The following ANKRD28 variants were observed in gnomAD, a reference collection of about 807,000 sequenced individuals.
ANKRD28 encodes the protein serine/threonine-protein phosphatase 6 regulatory ankyrin repeat subunit A.
In ANKRD28, 44 loss-of-function variants were observed where a neutral mutation model predicts 126.5. The ratio of observed to expected loss-of-function variants is 0.35; its 90% CI spans 0.27 to 0.45. The LOEUF (loss-of-function observed/expected upper bound fraction) is 0.45, where lower values mean the gene tolerates loss of function less well. Ranked by LOEUF, ANKRD28 falls within the 20% of genes least tolerant of loss-of-function variation. The pLI is 1.00. For synonymous variants in ANKRD28, 442 were observed against 468.5 expected, an observed-to-expected ratio of 0.94 and a Z score of 0.73; for missense variants, 1,110 against 1,316.6, an observed-to-expected ratio of 0.84 and a Z score of 2.43.
intron 27 of ANKRD28, 65 bp from the exon 28 acceptor site, chr3:15,670,621 A>G (rs1559300636): frequency 2.0e-6 from 3 of 1,489,988 alleles, no homozygotes; most frequent in Non-Finnish European, 2.7e-6. Flanking sequence ...AGACAAGGAA[A>G]TAAGCCTAAA....
intron 24 of ANKRD28, 39 bp downstream of exon 24, chr3:15,678,170 C>T (rs1046644920): frequency 3.2e-6 from 5 of 1,558,104 alleles, no homozygotes; most frequent in Non-Finnish European, 4.3e-6. Flanking sequence ...AAGTGATACA[C>T]ATACTTAGGA....
chr3:15,824,948 C>A (rs1485860243), intron 1 of ANKRD28, among the ~76,000 whole-genome samples: 1 of 152,158 alleles, frequency 6.6e-6, no homozygotes, highest in Non-Finnish European at 1.5e-5. Context: ...ATGCACATCC[C>A]ACTGAAAAAG....
chr3:15,718,803 C>G (rs534887773), intron 8 of ANKRD28, among the ~76,000 whole-genome samples: 1 of 152,282 alleles, frequency 6.6e-6, no homozygotes, highest in South Asian at 2.1e-4. Flanking sequence ...ACTGAGAAAA[C>G]TTGGTTGTGA....
intron 2 of ANKRD28, among the ~76,000 whole-genome samples, chr3:15,769,980 G>A (rs1055833021): frequency 1.3e-4 from 19 of 151,242 alleles, no homozygotes; most frequent in African/African-American, 4.6e-4. Context: ...GCAAGGAAGA[G>A]TACACTGAAC....
chr3:15,853,767 C>T lies in ANKRD28; in HGVS notation c.27+5610G>A, dbSNP rs959103373. ...TACAGGCATGAGCCACCGCGCCCGG[C>T]CCTAAAATCAATGTTTAATTGTATT... is the stretch of plus-strand genomic sequence containing the variant. On this transcript the variant is annotated intron_variant, in intron 1 of 27. Coordinates refer to the ANKRD28 transcript ENST00000399451. The surrounding 1 kb of genome is among the most constrained non-coding windows in gnomAD (Gnocchi z 4.2). Among the ~76,000 whole-genome samples the T allele has an allele frequency of 6.6e-6, 1 of 152,152 alleles. No homozygotes were observed. The highest frequency in any genetic ancestry group is 2.4e-5 in the African/African-American group (1 of 41,408).
intron 3 of ANKRD28, among the ~76,000 whole-genome samples, chr3:15,763,804 G>T (rs2058612805): frequency 6.6e-6 from 1 of 152,092 alleles, no homozygotes; most frequent in Non-Finnish European, 1.5e-5. Context: ...CAGCTCTAAG[G>T]CCAATGTAAA....
At chr3:15,784,337 A>G (rs532024197) in intron 2 of ANKRD28, among the ~76,000 whole-genome samples, 68 of 152,176 alleles carry the variant, frequency 4.5e-4, no homozygotes, top group African/African-American at 1.5e-3. Flanking sequence ...GTATGCTTAT[A>G]TGTAAGTGTA....
chr3:15,858,966 C>G (rs1056817443), intron 1 of ANKRD28, among the ~76,000 whole-genome samples: 5 of 152,332 alleles, frequency 3.3e-5, no homozygotes, highest in African/African-American at 4.8e-5. Context: ...CCTCGCACTA[C>G]CCAGCCAAGC....
At chr3:15,790,449 C>G (rs933986220) in intron 2 of ANKRD28, among the ~76,000 whole-genome samples, 1 of 151,966 alleles carries the variant, frequency 6.6e-6, no homozygotes. Flanking sequence ...TCATCATGAT[C>G]AAGTGGGATT....
At chr3:15,773,976 T>C (rs1342622439) in intron 2 of ANKRD28, among the ~76,000 whole-genome samples, 2 of 152,112 alleles carry the variant, frequency 1.3e-5, no homozygotes, top group African/African-American at 4.8e-5. Context: ...AAGGCAGACA[T>C]GACCAGAGCA....
intron 6 of ANKRD28, among the ~76,000 whole-genome samples, chr3:15,734,937 A>G (rs573735686): frequency 6.6e-6 from 1 of 152,270 alleles, no homozygotes; most frequent in African/African-American, 2.4e-5. Context: ...AAGAACATAT[A>G]TATTATGTTA....
chr3:15,726,250 T>A (rs1376613840), intron 6 of ANKRD28, among the ~76,000 whole-genome samples: 1 of 152,172 alleles, frequency 6.6e-6, no homozygotes, highest in Admixed American at 6.5e-5. Context: ...CTAAGCTTAG[T>A]GAGAAAGGCA....
intron 14 of ANKRD28, among the ~76,000 whole-genome samples, chr3:15,701,410 G>A (rs1384322003): frequency 2.6e-5 from 4 of 152,054 alleles, no homozygotes; most frequent in Admixed American, 1.3e-4. Flanking sequence ...TTTGGGAAGC[G>A]GAGGTGGGCG....
chr3:15,795,372 AT>A (rs1250055181), intron 1 of ANKRD28, 66 bp from the exon 2 acceptor site: 2 of 1,132,704 alleles, frequency 1.8e-6, no homozygotes, highest in African/African-American at 3.1e-5. Flanking sequence ...GATATTTTAC[AT>A]AGTTCTGGAA....
At chr3:15,821,730 C>T (rs2060945429) in intron 1 of ANKRD28, among the ~76,000 whole-genome samples, 1 of 152,176 alleles carries the variant, frequency 6.6e-6, no homozygotes, top group Non-Finnish European at 1.5e-5. Context: ...CTCCCAACTC[C>T]CCCTACATGG....
intron 1 of ANKRD28, among the ~76,000 whole-genome samples, chr3:15,844,585 G>A (rs971233033): frequency 6.6e-6 from 1 of 152,124 alleles, no homozygotes; most frequent in African/African-American, 2.4e-5. Context: ...TGTTAGTAAG[G>A]AGACAACAAT....
At chr3:15,751,411 T>C (rs1473688973) in intron 4 of ANKRD28, among the ~76,000 whole-genome samples, 1 of 152,176 alleles carries the variant, frequency 6.6e-6, no homozygotes, top group Non-Finnish European at 1.5e-5. Flanking sequence ...TGAGATTCTT[T>C]CTTGATCACA....
chr3:15,767,844 C>G (rs905556462), intron 2 of ANKRD28, among the ~76,000 whole-genome samples: 1 of 150,774 alleles, frequency 6.6e-6, no homozygotes, highest in Non-Finnish European at 1.5e-5. Flanking sequence ...GCTGAGATGG[C>G]GCCACTGCAC....
At chr3:15,842,621 G>A (rs1243142326) in intron 1 of ANKRD28, among the ~76,000 whole-genome samples, 1 of 152,136 alleles carries the variant, frequency 6.6e-6, no homozygotes, top group Non-Finnish European at 1.5e-5. Context: ...AATGCTTGAG[G>A]TGATGGATAC....
Sources: allele counts gnomAD v4.1 joint callset (sites outside exome capture counted in the v4.1 genomes callset), GRCh38; gene constraint gnomAD v4.1.1; non-coding constraint Gnocchi (gnomAD v3.1); transcripts MANE v1.5; gene names NCBI Gene and HGNC (gene_info 2026-07-23, HGNC 2026-07-21).